The following TMEM260 variants were observed in gnomAD, a reference collection of about 807,000 sequenced individuals.
TMEM260 encodes the protein transmembrane protein 260, also known as protein O-mannosyl-transferase TMEM260.
A neutral mutation model predicts 88.9 loss-of-function variants in TMEM260; 82 were observed. That is an observed-to-expected ratio of 0.92 (90% CI 0.77 to 1.11). The LOEUF is 1.11. Ranked by LOEUF, TMEM260 falls within the 50% of genes least tolerant of loss-of-function variation. TMEM260 has a pLI of 0.00. For synonymous variants in TMEM260, 314 were observed against 309.3 expected (o/e 1.02, Z -0.16); for missense variants, 902 against 853.4 (o/e 1.06, Z -0.71).
chr14:56,585,197 A>G (rs1343640976), intron 2 of TMEM260, among the ~76,000 whole-genome samples, 165 bp downstream of exon 2: 1 of 152,286 alleles, frequency 6.6e-6, no homozygotes. Flanking sequence ...TTTAAATCCA[A>G]TTAAACTAAA....
At chr14:56,587,931 A>C (rs887903555) in intron 3 of TMEM260, among the ~76,000 whole-genome samples, 2 of 152,014 alleles carry the variant, frequency 1.3e-5, no homozygotes, top group Non-Finnish European at 2.9e-5. Context: ...TTACAATTTC[A>C]TTTGTTGTAT....
rs947347907 is a variant in TMEM260, at chr14:56,596,694, C to T, written c.345-7121C>T. ...AGGAGAATTGCCTGAACCTGAGAGG[C>T]GGAGGTTGTGGTGAGCCGAGATCGT... On this transcript the variant is annotated intron_variant, in intron 3 of 15. Coordinates refer to ENST00000261556, the MANE Select transcript of TMEM260 (RefSeq NM_017799.4). 4.8e-5 allele frequency among the ~76,000 whole-genome samples: 7 copies of T among 144,418 alleles called. No homozygotes were observed. The South Asian group carries it at 8.8e-4, about 18-fold the overall frequency. 94.7% of individuals were successfully genotyped at this position (144,418 alleles called of 152,430 possible). A position where few individuals can be genotyped will look rare whatever the true frequency, so the allele number is the denominator to read the frequency against.
intron 15 of TMEM260, among the ~76,000 whole-genome samples, chr14:56,644,323 A>T (rs891632349): frequency 6.6e-6 from 1 of 152,234 alleles, no homozygotes; most frequent in African/African-American, 2.4e-5. Flanking sequence ...CCAATGGAAC[A>T]GAACAGAGGT....
chr14:56,645,329 T>G (rs1386221865), intron 15 of TMEM260, among the ~76,000 whole-genome samples: 1 of 152,030 alleles, frequency 6.6e-6, no homozygotes, highest in African/African-American at 2.4e-5. Context: ...AATGATGAGT[T>G]CATGTCCTTT....
intron 15 of TMEM260, among the ~76,000 whole-genome samples, chr14:56,645,648 T>C (rs1889919569): frequency 1.3e-5 from 2 of 152,064 alleles, no homozygotes; most frequent in South Asian, 4.1e-4. Flanking sequence ...TATAATAAAA[T>C]TTTAAAAAAT....
intron 15 of TMEM260, among the ~76,000 whole-genome samples, chr14:56,643,443 T>G (rs1178241316): frequency 1.3e-5 from 2 of 152,092 alleles, no homozygotes; most frequent in South Asian, 4.2e-4. Context: ...GAAAAGGCCT[T>G]TGACAAAATT....
Position 56,647,754 on chromosome 14 carries a change from G to C in TMEM260, c.*257G>C. ...CTTTTGAAAAGTCTTCTGACTTCCA[G>C]TCTTTCACCAGATGACTGCACTGGA... On this transcript the variant is annotated 3_prime_UTR_variant, in exon 16 of 16. Transcript: ENST00000261556. 1 of 439,522 alleles carries C rather than the reference G, an allele frequency of 2.3e-6. No homozygotes were observed. Among genetic ancestry groups the C allele is most frequent in the South Asian group, 2.9e-5 (1 of 34,522 alleles). The allele number at this position is 439,522 out of a possible 1,614,324, so 27.2% of individuals were successfully genotyped here.
chr14:56,650,908 T>A (rs1462428211), downstream of TMEM260, among the ~76,000 whole-genome samples: 1 of 152,194 alleles, frequency 6.6e-6, no homozygotes, highest in Non-Finnish European at 1.5e-5. Flanking sequence ...ACTCCCGACT[T>A]CTGGTGTGTT....
At chr14:56,639,500 A>G (rs1889398229) in intron 15 of TMEM260, among the ~76,000 whole-genome samples, 1 of 152,218 alleles carries the variant, frequency 6.6e-6, no homozygotes, top group Admixed American at 6.5e-5. Flanking sequence ...TTGTATAGAA[A>G]TATGTAGTAT....
intron 15 of TMEM260, among the ~76,000 whole-genome samples, chr14:56,645,875 C>T (rs757198312): frequency 2.3e-4 from 35 of 152,144 alleles, no homozygotes; most frequent in Non-Finnish European, 5.0e-4. Flanking sequence ...GAATATTTTA[C>T]CAAGAGGATA....
chr14:56,579,937 G>A lies in TMEM260; in HGVS notation c.23G>A (p.Arg8Lys). The change falls in exon 1 of 16, where the codon AGG becomes AAG. Residue 8 changes from arginine (R) to lysine (K), a missense_variant. Physicochemically the swap from Arg to Lys is conservative, Grantham distance 26 (BLOSUM62 2). Coordinates refer to ENST00000261556, the MANE Select transcript of TMEM260 (RefSeq NM_017799.4). ...CCCATGAGTCCCCATGGCGACGGCA[G>A]GGGCCAGGCCCAGGGGCGGGCAGTC... MSPHGDGRGQAQGRAVRV... is the reference protein window; with the variant it reads MSPHGDGKGQAQGRAVRV... 1 of 1,236,266 alleles carries A rather than the reference G, an allele frequency of 8.1e-7. No homozygotes were observed. The highest frequency in any genetic ancestry group is 1.0e-6 in the Non-Finnish European group (1 of 988,088). The allele number at this position is 1,236,266 out of a possible 1,614,324, so 76.6% of individuals were successfully genotyped here. A position where few individuals can be genotyped will look rare whatever the true frequency, so the allele number is the denominator to read the frequency against.
chr14:56,616,795 T>C (rs1887620597), intron 8 of TMEM260, among the ~76,000 whole-genome samples: 2 of 152,106 alleles, frequency 1.3e-5, no homozygotes, highest in Admixed American at 1.3e-4. Context: ...AATTAAATTT[T>C]CTGAAGGATT....
intron 1 of TMEM260, among the ~76,000 whole-genome samples, chr14:56,580,506 A>G (rs985850982): frequency 2.0e-5 from 3 of 152,240 alleles, no homozygotes; most frequent in African/African-American, 7.2e-5. Flanking sequence ...AATAAACAGC[A>G]TATTCACTGG....
intron 12 of TMEM260, among the ~76,000 whole-genome samples, chr14:56,628,999 G>A (rs779412534): frequency 2.0e-5 from 3 of 151,342 alleles, no homozygotes; most frequent in East Asian, 3.9e-4. Flanking sequence ...AGGTTATAGC[G>A]ATTCTCCTGC....
At chr14:56,651,357 A>G (rs1458004119), downstream of TMEM260, among the ~76,000 whole-genome samples, 1 of 152,148 alleles carries the variant, frequency 6.6e-6, no homozygotes, top group African/African-American at 2.4e-5. Context: ...CTCTTCAACA[A>G]TGTAACATAC....
intron 12 of TMEM260, among the ~76,000 whole-genome samples, chr14:56,628,985 T>C (rs1270089998): frequency 6.6e-6 from 1 of 151,768 alleles, no homozygotes; most frequent in African/African-American, 2.4e-5. Context: ...AACCTCCACC[T>C]CCCAGGTTAT....
downstream of TMEM260, chr14:56,650,588 C>T (rs970790522): frequency 6.6e-6 from 1 of 152,418 alleles, no homozygotes; most frequent in Non-Finnish European, 1.5e-5. Flanking sequence ...AAGCTTCAAA[C>T]AGAAATTGTG....
chr14:56,642,150 A>C (rs1394170936), intron 15 of TMEM260, among the ~76,000 whole-genome samples: 1 of 152,228 alleles, frequency 6.6e-6, no homozygotes, highest in Non-Finnish European at 1.5e-5. Flanking sequence ...GCTCTGCACG[A>C]AGCGGACCTA....
chr14:56,630,290 T>G (rs570081848), intron 12 of TMEM260, among the ~76,000 whole-genome samples: 1 of 152,300 alleles, frequency 6.6e-6, no homozygotes, highest in South Asian at 2.1e-4. Context: ...AGATTGTATC[T>G]TTCACAAAAT....
Sources: allele counts gnomAD v4.1 joint callset (sites outside exome capture counted in the v4.1 genomes callset), GRCh38; gene constraint gnomAD v4.1.1; transcripts MANE v1.5; gene names NCBI Gene and HGNC (gene_info 2026-07-23, HGNC 2026-07-21).